Variants in RPS6KC1 observed in about 807,000 individuals in gnomAD.
The protein encoded by RPS6KC1 is inactive ribosomal protein S6 kinase delta-1.
In RPS6KC1, 54 loss-of-function variants were observed where a neutral mutation model predicts 103.8. The ratio of observed to expected loss-of-function variants is 0.52; its 90% CI spans 0.42 to 0.65. The LOEUF (loss-of-function observed/expected upper bound fraction) is 0.65, where lower values mean the gene tolerates loss of function less well. Ranked by LOEUF, RPS6KC1 falls within the 30% of genes least tolerant of loss-of-function variation. The probability of loss-of-function intolerance (pLI) is 0.00; values close to 1 mark genes in which losing one functional copy is unlikely to be tolerated. For synonymous variants in RPS6KC1, 439 were observed against 438.7 expected, an observed-to-expected ratio of 1.00 and a Z score of -0.01; for missense variants, 1,151 against 1,253.8, an observed-to-expected ratio of 0.92 and a Z score of 1.24.
At chr1:213,286,474 A>G in the RPS6KC1 span, among the ~76,000 whole-genome samples, 1 of 152,226 alleles carries the variant, frequency 6.6e-6, no homozygotes, top group African/African-American at 2.4e-5. Flanking sequence ...TTCAAAAATA[A>G]TAATTGATAC....
At chr1:213,286,038 A>G in the RPS6KC1 span, among the ~76,000 whole-genome samples, 1 of 152,316 alleles carries the variant, frequency 6.6e-6, no homozygotes, top group Non-Finnish European at 1.5e-5. Context: ...GACAAAACAG[A>G]TAATATTGGA....
the RPS6KC1 span, among the ~76,000 whole-genome samples, chr1:213,760,049 A>G: frequency 6.6e-6 from 1 of 152,142 alleles, no homozygotes; most frequent in African/African-American, 2.4e-5. Context: ...TCTGGACTTT[A>G]GATTCTGTCA....
At chr1:213,692,850 T>G in the RPS6KC1 span, among the ~76,000 whole-genome samples, 4,291 of 152,228 alleles carry the variant, frequency 0.028, 221 homozygotes, top group African/African-American at 0.096. Context: ...CTATGACCAA[T>G]TATTATTTTA....
the RPS6KC1 span, chr1:213,840,534 G>A: frequency 6.6e-6 from 1 of 152,200 alleles, no homozygotes; most frequent in South Asian, 2.1e-4. Flanking sequence ...CATAAACCCA[G>A]TATCAGAGGA....
the RPS6KC1 span, among the ~76,000 whole-genome samples, chr1:213,552,288 A>G: frequency 6.6e-6 from 1 of 152,240 alleles, no homozygotes; most frequent in African/African-American, 2.4e-5. Context: ...AACAAAAACC[A>G]CTGACAGACT....
At chr1:213,546,154 G>C in the RPS6KC1 span, 1 of 152,278 alleles carries the variant, frequency 6.6e-6, no homozygotes, top group South Asian at 2.1e-4. Context: ...CTGTTCTTTG[G>C]GTAGTAATTT....
chr1:213,104,457 G>A lies in RPS6KC1; in HGVS notation c.266G>A (p.Arg89Gln), dbSNP rs1435362272. 2 of 1,597,658 alleles carry A rather than the reference G, an allele frequency of 1.3e-6. No homozygotes were observed. Among genetic ancestry groups the A allele is most frequent in the Non-Finnish European group, 1.7e-6 (2 of 1,166,592 alleles). Residue 89 changes from arginine to glutamine, a missense_variant, in exon 4 of 15, where the codon CGA becomes CAA. By Grantham distance (43) the Arg-to-Gln change is conservative. Coordinates refer to ENST00000366960, the MANE Select transcript of RPS6KC1 (RefSeq NM_012424.6). ...GTTGATTCTTATTTAATTGTAGGGC[G>A]ATTTGATGAAACTGTTATCGAAGAG... Reference protein sequence around the residue: ...PPFAKGIVFGRFDETVIEERR... With the variant: ...PPFAKGIVFGQFDETVIEERR...
At position 213,241,446 on chromosome 1, in the gene RPS6KC1, A is replaced by G; in HGVS notation, c.1970A>G (p.Gln657Arg). The stretch of plus-strand genomic sequence containing the variant: ...GAAAGCAAGGTAGAGTTTAAAGCTC[A>G]GGACACCATTAGCAGGGGCTCAGAT... ...TSESKVEFKA[Q>R]DTISRGSDDS... is the part of the protein sequence containing the mutation. The change falls in exon 11 of 15, where the codon CAG (glutamine) becomes CGG (arginine). Residue 657 changes from glutamine to arginine, a missense_variant. This residue lies in a region of RPS6KC1 where 959 missense variants were observed against 1,006.3 expected (regional missense o/e 0.95). Transcript: ENST00000366960. The G allele has an allele frequency of 6.2e-7, 1 of 1,614,006 alleles. No individual in the cohort carries two copies. The highest frequency in any genetic ancestry group is 1.1e-5 in the South Asian group (1 of 91,082).
the RPS6KC1 span, among the ~76,000 whole-genome samples, chr1:213,319,910 G>C: frequency 6.6e-6 from 1 of 152,134 alleles, no homozygotes; most frequent in Non-Finnish European, 1.5e-5. Context: ...ATTAATTTGG[G>C]GGCAGTGTAT....
the RPS6KC1 span, among the ~76,000 whole-genome samples, chr1:213,526,379 C>T: frequency 2.4e-4 from 36 of 152,026 alleles, no homozygotes; most frequent in African/African-American, 8.5e-4. Flanking sequence ...ACACTGAGGG[C>T]CCACTTGAGC....
At chr1:213,138,393 T>TGC (rs1208648434) in intron 6 of RPS6KC1, among the ~76,000 whole-genome samples, 1 of 152,164 alleles carries the variant, frequency 6.6e-6, no homozygotes, top group Non-Finnish European at 1.5e-5. Context: ...GGGGTATATG[T>TGC]GCAGGTTCGT....
chr1:213,256,058 T>C (rs1410643722), intron 12 of RPS6KC1, among the ~76,000 whole-genome samples: 29 of 141,124 alleles, frequency 2.1e-4, no homozygotes, highest in African/African-American at 8.6e-4. Context: ...AAAAACCAAT[T>C]TACCTTTTTA....
At chr1:213,659,973 T>C in the RPS6KC1 span, among the ~76,000 whole-genome samples, 1 of 152,194 alleles carries the variant, frequency 6.6e-6, no homozygotes, top group Non-Finnish European at 1.5e-5. Context: ...AGTCAGGGCA[T>C]CAGGAAAAAT....
the RPS6KC1 span, among the ~76,000 whole-genome samples, chr1:213,425,411 G>T: frequency 6.7e-6 from 1 of 150,232 alleles, no homozygotes; most frequent in East Asian, 1.9e-4. Context: ...TCCTCCATTA[G>T]AAAAAAAAAG....
the RPS6KC1 span, among the ~76,000 whole-genome samples, chr1:213,834,463 A>G: frequency 3.3e-5 from 5 of 152,202 alleles, no homozygotes; most frequent in Admixed American, 1.3e-4. Flanking sequence ...TTATGTTTTT[A>G]TAAGTCTCTT....
chr1:213,077,720 G>T lies in RPS6KC1; in HGVS notation c.166G>T (p.Asp56Tyr). Reference protein sequence around the residue: ...QEIIVWKRYSDFKKLHKELWQ... With the variant: ...QEIIVWKRYSYFKKLHKELWQ... ...GATAATTGTATGGAAGAGATACAGT[G>T]ATTTTAAGAAACTACACAAAGAACT... The change falls in exon 3 of 15, where the codon GAT becomes TAT. Residue 56 changes from aspartate to tyrosine, a missense_variant. By Grantham distance (160) the Asp-to-Tyr change is radical. Around this residue, in one of 3 missense-constraint regions of RPS6KC1, gnomAD observed 959 missense variants for 1,006.3 expected, o/e 0.95. Transcript: ENST00000366960. 1 of 1,487,718 alleles carries T rather than the reference G, an allele frequency of 6.7e-7. No homozygotes were observed. The highest frequency in any genetic ancestry group is 1.4e-5 in the African/African-American group (1 of 71,720). 92.2% of individuals were successfully genotyped at this position (1,487,718 alleles called of 1,614,324 possible).
chr1:213,232,009 AG>A, intron 9 of RPS6KC1, 113 bp from the exon 10 acceptor site: 1 of 1,325,452 alleles, frequency 7.5e-7, no homozygotes, highest in East Asian at 2.5e-5. Context: ...GTTTCTCTGA[AG>A]CCCAGAGTAA....
intron 8 of RPS6KC1, among the ~76,000 whole-genome samples, chr1:213,223,130 C>G (rs904248395): frequency 6.6e-6 from 1 of 152,164 alleles, no homozygotes; most frequent in Non-Finnish European, 1.5e-5. Flanking sequence ...GATATCTCAT[C>G]CAGATTATAA....
At chr1:213,509,937 A>G in the RPS6KC1 span, among the ~76,000 whole-genome samples, 1 of 152,178 alleles carries the variant, frequency 6.6e-6, no homozygotes, top group Non-Finnish European at 1.5e-5. Context: ...GAATGTCAGT[A>G]AGTTTATACA....
Sources: gnomAD v4.1 joint callset for allele counts (sites outside exome capture counted in the v4.1 genomes callset) on GRCh38, gnomAD v4.1.1 for gene constraint, gnomAD v4.1.1 regional missense constraint, MANE v1.5 for transcripts, NCBI Gene and HGNC (gene_info 2026-07-23, HGNC 2026-07-21) for gene names.